The following EXOG variants were observed in gnomAD, a reference collection of about 807,000 sequenced individuals.
EXOG encodes exo/endonuclease G, also known as nuclease EXOG, mitochondrial.
A neutral mutation model predicts 25.8 loss-of-function variants in EXOG; 27 were observed. The observed-to-expected ratio is 1.05, with a 90% CI of 0.77 to 1.45. The LOEUF (loss-of-function observed/expected upper bound fraction) is 1.45, where lower values mean the gene tolerates loss of function less well. Among genes scored for constraint, EXOG ranks in the 40% most tolerant of loss-of-function variants. The pLI, the probability that EXOG is intolerant of heterozygous loss-of-function variation, is 0.00. For synonymous variants in EXOG, 133 were observed against 167.0 expected (o/e 0.80, Z 1.57); for missense variants, 458 against 450.5 (o/e 1.02, Z -0.15).
chr3:38,503,532 G>A, intron 3 of EXOG, 83 bp from the exon 4 acceptor site: 1 of 756,380 alleles, frequency 1.3e-6, no homozygotes, highest in South Asian at 1.7e-5. Context: ...AAATAAGAAA[G>A]TGTTTTTCTG....
intron 2 of EXOG, chr3:38,498,646 C>A: frequency 5.0e-6 from 1 of 201,400 alleles, no homozygotes; most frequent in Admixed American, 5.4e-5. Flanking sequence ...GAAGAGTGAA[C>A]GGAAATTACT....
rs1171262015 is a variant in EXOG at position 38,506,974 on chromosome 3, GATGTTTAATAGTC to G, written c.645+8_645+20del. 1 of 1,188,246 alleles carries G rather than the reference GATGTTTAATAGTC, an allele frequency of 8.4e-7. No homozygotes were observed. Among genetic ancestry groups the G allele is most frequent in the Non-Finnish European group, 1.3e-6 (1 of 794,230 alleles). 73.6% of individuals were successfully genotyped at this position (1,188,246 alleles called of 1,614,324 possible). On this transcript the variant is annotated splice_region_variant and intron_variant, in intron 5 of 5. Coordinates refer to ENST00000287675, the MANE Select transcript of EXOG (RefSeq NM_005107.4). ...AGAAAATAGTTAGTTACCAGGTAAG[GATGTTTAATAGTC>G]AGGTTTATGTTATCTGTATGAGATT...
In EXOG at chr3:38,496,427, C is replaced by T. The variant is rs200468418; in HGVS notation, c.60C>T (p.Phe20=). The change falls in exon 1 of 6, where the codon TTC becomes TTT. Residue 20 remains phenylalanine (F), a synonymous_variant. Transcript: ENST00000287675. ...LRGSRRFLSG[F]VAGAVVGAAG... ...GTTCCCGTCGTTTTCTGAGCGGCTTCGTGGCTGGGGCTGTAGTGGGCGCTG... is the reference window on the plus strand; with the variant it reads ...GTTCCCGTCGTTTTCTGAGCGGCTTTGTGGCTGGGGCTGTAGTGGGCGCTG... The T allele has an allele frequency of 1.9e-6, 3 of 1,613,908 alleles. No individual in the cohort carries two copies. The highest frequency in any genetic ancestry group is 2.5e-6 in the Non-Finnish European group (3 of 1,179,978).
At chr3:38,514,848 G>A (rs1440250937) in intron 5 of EXOG, among the ~76,000 whole-genome samples, 1 of 128,150 alleles carries the variant, frequency 7.8e-6, no homozygotes, top group Non-Finnish European at 1.5e-5. Context: ...TTGGCTCACC[G>A]CAGCCTCCAC....
At chr3:38,516,936 G>A (rs564335911) in intron 5 of EXOG, among the ~76,000 whole-genome samples, 1 of 152,244 alleles carries the variant, frequency 6.6e-6, no homozygotes, top group South Asian at 2.1e-4. Context: ...CCTTCTCAGT[G>A]CATTGCATCA....
Position 38,524,422 on chromosome 3 carries a change from A to G in EXOG, c.*60A>G. On this transcript the variant is annotated 3_prime_UTR_variant, in exon 6 of 6. Transcript: ENST00000287675. The stretch of plus-strand genomic sequence containing the variant: ...GAAGCAGGCATGCCCTCTTTAGGCT[A>G]ACATATTTTAGTGGCTTTGCTTTTT... 3.3e-6 allele frequency: 5 copies of G among 1,511,974 alleles called. No individual in the cohort carries two copies. The highest frequency in any genetic ancestry group is 4.4e-6 in the Non-Finnish European group (5 of 1,134,446). The allele number at this position is 1,511,974 out of a possible 1,614,324, so 93.7% of individuals were successfully genotyped here.
chr3:38,506,040 G>A (rs1309810342), intron 4 of EXOG, among the ~76,000 whole-genome samples: 7 of 149,734 alleles, frequency 4.7e-5, no homozygotes, highest in African/African-American at 1.5e-4. Flanking sequence ...TGCCATTTGG[G>A]CACCTGTAAT....
chr3:38,516,430 T>C (rs6805386), intron 5 of EXOG, among the ~76,000 whole-genome samples: 87,138 of 152,026 alleles, frequency 0.57, 27,323 homozygotes, highest in African/African-American at 0.82. Context: ...AAAAAGAACT[T>C]CCCTGTATCT....
intron 2 of EXOG, chr3:38,498,676 G>C (rs1369207002): frequency 8.0e-6 from 2 of 250,734 alleles, no homozygotes; most frequent in South Asian, 4.7e-5. Context: ...GGTTGAATGT[G>C]CCATGGGATA....
intron 5 of EXOG, among the ~76,000 whole-genome samples, chr3:38,520,647 C>A (rs1175630267): frequency 6.6e-6 from 1 of 152,142 alleles, no homozygotes; most frequent in Non-Finnish European, 1.5e-5. Flanking sequence ...GTACCAAATG[C>A]CGTTGTATCT....
chr3:38,516,541 T>G (rs2060548697), intron 5 of EXOG, among the ~76,000 whole-genome samples: 1 of 152,232 alleles, frequency 6.6e-6, no homozygotes, highest in Admixed American at 6.5e-5. Flanking sequence ...TTGAGTTAGT[T>G]GCAGATATCT....
In EXOG at chr3:38,497,772, A is replaced by T; in HGVS notation, c.307A>T (p.Ile103Leu). ...WVLEHISKSK[I>L]MGDADRKHCK... is the part of the protein sequence containing the mutation. ...TCTTGAACATATTTCCAAAAGCAAGATAATGGGTAGGTGGTTGGATAAAAA... is the reference window on the plus strand; with the variant it reads ...TCTTGAACATATTTCCAAAAGCAAGTTAATGGGTAGGTGGTTGGATAAAAA... The change falls in exon 2 of 6, where the codon ATA (isoleucine) becomes TTA (leucine). Residue 103 changes from isoleucine to leucine, a missense_variant. Around this residue, in one of 3 missense-constraint regions of EXOG, gnomAD observed 275 missense variants for 230.5 expected, o/e 1.19. Transcript: ENST00000287675. The T allele has an allele frequency of 6.3e-7, 1 of 1,596,424 alleles. No homozygotes were observed. Among genetic ancestry groups the T allele is most frequent in the South Asian group, 1.2e-5 (1 of 86,140 alleles).
At position 38,525,935 on chromosome 3, in the gene EXOG, C is replaced by A. The variant is rs2060858225; in HGVS notation, c.*1573C>A. Reference sequence around the variant, plus strand: ...CGCCAGCCTGGGCCACAGAGGGAGACCCTGTCTCAAAAAAAGAAAAGAAAA... The same window carrying A: ...CGCCAGCCTGGGCCACAGAGGGAGAACCTGTCTCAAAAAAAGAAAAGAAAA... On this transcript the variant is annotated 3_prime_UTR_variant, in exon 6 of 6. Transcript: ENST00000287675. 3 of 971,848 alleles carry A rather than the reference C, an allele frequency of 3.1e-6. No individual in the cohort carries two copies. In the South Asian group the frequency reaches 1.4e-4, roughly 46 times the overall value. 60.2% of individuals were successfully genotyped at this position (971,848 alleles called of 1,614,324 possible).
rs2060847402 is a variant in EXOG, at chr3:38,525,478, G to T, written c.*1116G>T. 1.0e-6 allele frequency: 1 copy of T among 985,314 alleles called. No individual in the cohort carries two copies. Among genetic ancestry groups the T allele is most frequent in the Admixed American group, 6.1e-5 (1 of 16,266 alleles). The allele number at this position is 985,314 out of a possible 1,614,324, so 61.0% of individuals were successfully genotyped here. A position where few individuals can be genotyped will look rare whatever the true frequency, so the allele number is the denominator to read the frequency against. Reference sequence around the variant, plus strand: ...TTTGAATTGAACCCTCCTTAGCTCTGTGGAAAGAGACAGTCAGGAATATTT... The same window carrying T: ...TTTGAATTGAACCCTCCTTAGCTCTTTGGAAAGAGACAGTCAGGAATATTT... On this transcript the variant is annotated 3_prime_UTR_variant, in exon 6 of 6. Transcript: ENST00000287675.
chr3:38,509,979 G>T (rs958307705), intron 5 of EXOG, among the ~76,000 whole-genome samples: 3 of 152,068 alleles, frequency 2.0e-5, no homozygotes, highest in Non-Finnish European at 4.4e-5. Context: ...GAGGAATAGG[G>T]TATTTACATA....
chr3:38,496,639 C>T, intron 1 of EXOG, 109 bp downstream of exon 1: 1 of 1,493,016 alleles, frequency 6.7e-7, no homozygotes, highest in Non-Finnish European at 8.9e-7. Context: ...GTTTGCTGGG[C>T]CCCTAGCCTG....
At chr3:38,504,885 G>C (rs1409652717) in intron 4 of EXOG, among the ~76,000 whole-genome samples, 1 of 152,088 alleles carries the variant, frequency 6.6e-6, no homozygotes, top group Non-Finnish European at 1.5e-5. Context: ...AGTACTTTGT[G>C]GTTTAAAATA....
chr3:38,524,255 A>C lies in EXOG; in HGVS notation c.1000A>C (p.Asn334His). ...RLEKIMENLK[N>H]AEIEPDDYFM... ...GGAAAAGATCATGGAAAACTTGAAG[A>C]ATGCAGAGATTGAACCAGATGATTA... The change falls in exon 6 of 6, where the codon AAT becomes CAT. Residue 334 changes from asparagine (N) to histidine (H), a missense_variant. Physicochemically the swap from Asn to His is moderately conservative, Grantham distance 68. This residue lies in a region of EXOG where 178 missense variants were observed against 203.7 expected (regional missense o/e 0.87). Transcript: ENST00000287675. The C allele has an allele frequency of 1.2e-6, 2 of 1,614,194 alleles. No individual in the cohort carries two copies. The highest frequency in any genetic ancestry group is 2.2e-5 in the South Asian group (2 of 91,082).
intron 2 of EXOG, among the ~76,000 whole-genome samples, chr3:38,498,588 C>G (rs2059960949): frequency 6.6e-6 from 1 of 151,114 alleles, no homozygotes; most frequent in Non-Finnish European, 1.5e-5. Flanking sequence ...GAGATTATAA[C>G]ACAAGAACCT....
Sources: gnomAD v4.1 joint callset for allele counts (sites outside exome capture counted in the v4.1 genomes callset) on GRCh38, gnomAD v4.1.1 for gene constraint, gnomAD v4.1.1 regional missense constraint, MANE v1.5 for transcripts, NCBI Gene and HGNC (gene_info 2026-07-23, HGNC 2026-07-21) for gene names.